MALRD1: variants seen among roughly 807,000 people sequenced by gnomAD.
The protein encoded by MALRD1 is MAM and LDL-receptor class A domain-containing protein 1.
MALRD1 carries 247 observed loss-of-function variants against 242.1 expected under a neutral mutation model. The observed-to-expected ratio is 1.02, with a 90% CI of 0.92 to 1.13. The LOEUF (loss-of-function observed/expected upper bound fraction) is 1.13, where lower values mean the gene tolerates loss of function less well. Among genes scored for constraint, MALRD1 ranks in the 50% most tolerant of loss-of-function variants. The probability of loss-of-function intolerance (pLI) is 0.00; values close to 1 mark genes in which losing one functional copy is unlikely to be tolerated. For missense variants in MALRD1, 2,989 were observed against 2,533.1 expected (o/e 1.18, Z -3.86); for synonymous variants, 995 against 866.6 (o/e 1.15, Z -2.60).
intron 10 of MALRD1, among the ~76,000 whole-genome samples, chr10:19,142,909 T>G (rs1833601767): frequency 6.6e-6 from 1 of 152,212 alleles, no homozygotes; most frequent in Non-Finnish European, 1.5e-5. Context: ...GAATTTGATT[T>G]ATATTTTACA....
intron 32 of MALRD1, among the ~76,000 whole-genome samples, chr10:19,533,384 T>A (rs3852471): frequency 0.64 from 98,018 of 152,068 alleles, 35,451 homozygotes; most frequent in Non-Finnish European, 0.79. Context: ...CTAGAAAGAA[T>A]GGTGGCAGGA....
rs1377390909 is a variant in MALRD1, at chr10:19,205,219, T to C, written c.2532T>C (p.Cys844=). 1.3e-6 allele frequency: 2 copies of C among 1,550,980 alleles called. No individual in the cohort carries two copies. The highest frequency in any genetic ancestry group is 1.2e-5 in the South Asian group (1 of 84,060). The part of the protein sequence containing the change: ...TRACIEKLRL[C]DLVDDCGDRT... ...CTTGCATAGAAAAGCTTCGGTTATG[T>C]GATCTGGTGGATGACTGTGGTGATC... Residue 844 remains cysteine (C), a synonymous_variant, in exon 17 of 40, where the codon TGT becomes TGC. Transcript: ENST00000454679.
At chr10:19,355,933 A>T (rs1844617775) in intron 26 of MALRD1, among the ~76,000 whole-genome samples, 2 of 146,362 alleles carry the variant, frequency 1.4e-5, no homozygotes, top group African/African-American at 5.0e-5. Flanking sequence ...TATCATATAT[A>T]ATATATATAT....
intron 32 of MALRD1, among the ~76,000 whole-genome samples, chr10:19,531,990 T>C (rs988914230): frequency 3.9e-5 from 6 of 152,186 alleles, no homozygotes; most frequent in African/African-American, 1.4e-4. Context: ...TATCCAATCC[T>C]GTTTTTTGAA....
chr10:19,714,393 C>G (rs915294371), intron 38 of MALRD1, among the ~76,000 whole-genome samples: 7 of 152,154 alleles, frequency 4.6e-5, no homozygotes, highest in Non-Finnish European at 2.9e-5. Flanking sequence ...CTACCGGCTT[C>G]TGCTGATGTC....
rs1474858480 is a variant in MALRD1 at position 19,539,318 on chromosome 10, AT to A, written c.5478+7968del. Among the ~76,000 whole-genome samples, 4 of 152,134 alleles carry A rather than the reference AT, an allele frequency of 2.6e-5. No homozygotes were observed. In the East Asian group the frequency reaches 7.7e-4, roughly 29 times the overall value. ...CTGGGCAGGTTTTTCCACATGGCCT[AT>A]CTCTACTCTATCCTTATAACTACTA... On this transcript the variant is annotated intron_variant, in intron 32 of 39. Transcript: ENST00000454679.
rs367650138 is a variant in MALRD1 at position 19,429,655 on chromosome 10, T to C, written c.4846-20652T>C. 1.4e-3 allele frequency among the ~76,000 whole-genome samples: 214 copies of C among 152,298 alleles called. 2 individuals carry two copies. Among genetic ancestry groups the C allele is most frequent in the African/African-American group, 5.0e-3 (207 of 41,560 alleles). On this transcript the variant is annotated intron_variant, in intron 28 of 39. Coordinates refer to ENST00000454679, the MANE Select transcript of MALRD1 (RefSeq NM_001142308.3). Reference sequence around the variant, plus strand: ...GCCTGTGGGTATTTTTGATACCTGCTATAGCCCCCAATATTCTCAGCCCTA... The same window carrying C: ...GCCTGTGGGTATTTTTGATACCTGCCATAGCCCCCAATATTCTCAGCCCTA...
chr10:19,258,702 C>T (rs919135718), intron 19 of MALRD1, among the ~76,000 whole-genome samples: 4 of 152,122 alleles, frequency 2.6e-5, no homozygotes, highest in Non-Finnish European at 4.4e-5. Flanking sequence ...CTAACAGGAT[C>T]GATTGGTGTT....
intron 19 of MALRD1, among the ~76,000 whole-genome samples, chr10:19,273,099 A>G (rs780584067): frequency 2.6e-5 from 4 of 152,174 alleles, no homozygotes; most frequent in Non-Finnish European, 5.9e-5. Flanking sequence ...TCCTTGAGGA[A>G]TTGCCACACT....
chr10:19,343,103 T>C (rs1274939237), intron 24 of MALRD1, among the ~76,000 whole-genome samples: 2 of 152,112 alleles, frequency 1.3e-5, no homozygotes, highest in African/African-American at 4.8e-5. Context: ...AGGACGGTCA[T>C]TCTGTATATC....
intron 29 of MALRD1, among the ~76,000 whole-genome samples, chr10:19,474,199 G>T (rs879301838): frequency 2.6e-5 from 4 of 151,782 alleles, no homozygotes; most frequent in Admixed American, 2.6e-4. Flanking sequence ...TATTGCTTTT[G>T]TCAAGTTTTA....
chr10:19,600,192 T>C (rs2131574613), intron 34 of MALRD1, among the ~76,000 whole-genome samples: 1 of 152,264 alleles, frequency 6.6e-6, no homozygotes, highest in Non-Finnish European at 1.5e-5. Flanking sequence ...TATTGGCCTT[T>C]AAATATGAAA....
intron 33 of MALRD1, among the ~76,000 whole-genome samples, chr10:19,581,919 G>A (rs1010161189): frequency 6.6e-6 from 1 of 152,144 alleles, no homozygotes; most frequent in African/African-American, 2.4e-5. Context: ...CATTCTAACT[G>A]GTGTGAAATG....
At chr10:19,556,089 T>C (rs1835704670) in intron 32 of MALRD1, among the ~76,000 whole-genome samples, 1 of 152,190 alleles carries the variant, frequency 6.6e-6, no homozygotes, top group East Asian at 1.9e-4. Context: ...CTGTGTATTT[T>C]TAAAATTTAC....
chr10:19,363,133 G>C (rs931235013), intron 26 of MALRD1, among the ~76,000 whole-genome samples: 1 of 151,792 alleles, frequency 6.6e-6, no homozygotes, highest in East Asian at 1.9e-4. Context: ...TTTGAGGGAG[G>C]CCTGAGAGGC....
At chr10:19,326,268 T>G (rs1362905031) in intron 22 of MALRD1, among the ~76,000 whole-genome samples, 1 of 152,124 alleles carries the variant, frequency 6.6e-6, no homozygotes, top group Non-Finnish European at 1.5e-5. Flanking sequence ...CCTGGAATAT[T>G]GTGGGGTTAA....
intron 33 of MALRD1, among the ~76,000 whole-genome samples, chr10:19,568,243 TA>T (rs1357494248): frequency 1.3e-5 from 2 of 152,186 alleles, no homozygotes; most frequent in African/African-American, 2.4e-5. Flanking sequence ...GTTCCCCCCC[TA>T]AGTGGGGCTG....
intron 33 of MALRD1, among the ~76,000 whole-genome samples, chr10:19,589,024 A>G (rs1391407070): frequency 1.3e-5 from 2 of 152,218 alleles, no homozygotes; most frequent in African/African-American, 4.8e-5. Flanking sequence ...CTTGCACAAT[A>G]AAGACAAGGG....
chr10:19,358,985 A>AT (rs1345723870), intron 26 of MALRD1, among the ~76,000 whole-genome samples: 2 of 152,210 alleles, frequency 1.3e-5, no homozygotes, highest in African/African-American at 4.8e-5. Context: ...CTGATTATAC[A>AT]TAATAAGAAA....
Sources: allele counts gnomAD v4.1 joint callset (sites outside exome capture counted in the v4.1 genomes callset), GRCh38; gene constraint gnomAD v4.1.1; transcripts MANE v1.5; gene names NCBI Gene and HGNC (gene_info 2026-07-23, HGNC 2026-07-21).